The following SLC22A23 variants were observed in gnomAD, a reference collection of about 807,000 sequenced individuals.
SLC22A23 encodes solute carrier family 22 member 23.
In SLC22A23, 26 loss-of-function variants were observed where a neutral mutation model predicts 61.0. That is an observed-to-expected ratio of 0.43 (90% confidence interval 0.31 to 0.59). The LOEUF (loss-of-function observed/expected upper bound fraction) is 0.59, where lower values mean the gene tolerates loss of function less well. SLC22A23 is among the 20% of genes least tolerant of loss of function. The pLI is 0.11. For synonymous variants in SLC22A23, 430 were observed against 413.9 expected (o/e 1.04, Z -0.47); for missense variants, 796 against 934.7 (o/e 0.85, Z 1.94).
intron 3 of SLC22A23, among the ~76,000 whole-genome samples, chr6:3,366,146 T>C (rs6931226): frequency 0.7 from 106,032 of 151,388 alleles, 37,399 homozygotes; most frequent in East Asian, 0.84. Context: ...CTGGCTAACA[T>C]GGTGAAACCC....
chr6:3,360,525 G>T lies in SLC22A23; in HGVS notation c.914-36523C>A, dbSNP rs147938364. 1.3e-5 allele frequency among the ~76,000 whole-genome samples: 2 copies of T among 152,198 alleles called. No individual in the cohort carries two copies. The highest frequency in any genetic ancestry group is 2.9e-5 in the Non-Finnish European group (2 of 68,042). On this transcript the variant is annotated intron_variant, in intron 3 of 9. Transcript: ENST00000406686. This position sits in a 1 kb window ranked among gnomAD's most constrained non-coding sequence, Gnocchi z 4.6. ...AATACAGAACTGCATTCTCATAGTC[G>T]GGTTTCAGGCAACGGCTCAACCGTG...
chr6:3,284,047 C>A, intron 8 of SLC22A23, 72 bp from the exon 9 acceptor site: 1 of 1,460,152 alleles, frequency 6.8e-7, no homozygotes, highest in Admixed American at 1.9e-5. Flanking sequence ...AGGCCTGGGG[C>A]TGCACAGCAC....
chr6:3,356,495 A>T (rs1473791716), intron 3 of SLC22A23, among the ~76,000 whole-genome samples: 1 of 151,954 alleles, frequency 6.6e-6, no homozygotes, highest in Non-Finnish European at 1.5e-5. Flanking sequence ...AATAAAGCTG[A>T]CCCTAAACTT....
chr6:3,300,443 T>A (rs1470373483), intron 4 of SLC22A23, among the ~76,000 whole-genome samples: 1 of 152,146 alleles, frequency 6.6e-6, no homozygotes, highest in Non-Finnish European at 1.5e-5. Flanking sequence ...TAGGGGTGAT[T>A]AAGTCATGAG....
intron 3 of SLC22A23, among the ~76,000 whole-genome samples, chr6:3,368,958 C>T (rs1039542636): frequency 2.0e-5 from 3 of 152,108 alleles, no homozygotes; most frequent in African/African-American, 7.2e-5. Context: ...CAGAATTGCT[C>T]AGAGTGATGA....
chr6:3,411,128 TG>T (rs1769208088), intron 2 of SLC22A23, among the ~76,000 whole-genome samples: 1 of 152,144 alleles, frequency 6.6e-6, no homozygotes, highest in African/African-American at 2.4e-5. Flanking sequence ...CAGTAGAGGG[TG>T]GTCCACAAGA....
chr6:3,375,976 T>G (rs1215523145), intron 3 of SLC22A23, among the ~76,000 whole-genome samples: 1 of 152,264 alleles, frequency 6.6e-6, no homozygotes, highest in Non-Finnish European at 1.5e-5. Context: ...CATGTGTATT[T>G]CAATTCTATT....
At chr6:3,278,466 C>T (rs780365619) in intron 9 of SLC22A23, among the ~76,000 whole-genome samples, 12 of 152,246 alleles carry the variant, frequency 7.9e-5, no homozygotes, top group Non-Finnish European at 1.6e-4. Context: ...AGACACTCTG[C>T]ATCTTTCTGT....
In SLC22A23 at chr6:3,372,643, CCCAG is replaced by C. The variant is rs556559091; in HGVS notation, c.913+37541_913+37544del. The stretch of plus-strand genomic sequence containing the variant: ...GGGCCCTCAGCATGGACTGCAGCCT[CCCAG>C]CTCAGCTGGGAGCAGCAGGTGAGAC... On this transcript the variant is annotated intron_variant, in intron 3 of 9. Coordinates refer to ENST00000406686, the MANE Select transcript of SLC22A23 (RefSeq NM_015482.2). The surrounding 1 kb of genome is among the most constrained non-coding windows in gnomAD (Gnocchi z 4.7). 2.0e-3 allele frequency among the ~76,000 whole-genome samples: 306 copies of C among 152,302 alleles called. No homozygotes were observed. Among genetic ancestry groups the C allele is most frequent in the Non-Finnish European group, 3.5e-3 (235 of 68,016 alleles).
In SLC22A23 at chr6:3,286,949, C is replaced by T; in HGVS notation, c.1456G>A (p.Val486Met). 2 of 1,614,070 alleles carry T rather than the reference C, an allele frequency of 1.2e-6. No individual in the cohort carries two copies. The highest frequency in any genetic ancestry group is 1.7e-6 in the Non-Finnish European group (2 of 1,180,028). ...ALVSCLAMCV[V>M]VRFLGRRGGL... ...CCCCTGCGCCCGAGGAATCGGACCACCACGCACATGGCCAGGCAGGACACC... is the reference window on the plus strand; with the variant it reads ...CCCCTGCGCCCGAGGAATCGGACCATCACGCACATGGCCAGGCAGGACACC... The change falls in exon 7 of 10, where the codon GTG becomes ATG. Residue 486 changes from valine to methionine, a missense_variant. Val to Met is a conservative substitution (Grantham distance 21). Transcript: ENST00000406686. This position sits in a 1 kb window ranked among gnomAD's most constrained non-coding sequence, Gnocchi z 4.2.
chr6:3,427,228 C>T lies in SLC22A23; in HGVS notation c.655-11373G>A, dbSNP rs1251982004. On this transcript the variant is annotated intron_variant, in intron 1 of 9. Transcript: ENST00000406686. The surrounding 1 kb of genome is among the most constrained non-coding windows in gnomAD (Gnocchi z 4.3). ...TTGTTACAAGAGTCAAAAATAACAT[C>T]GGGAATGCGCCTGGTGCAGTAACCG... is the stretch of plus-strand genomic sequence containing the variant. Among the ~76,000 whole-genome samples, 1 of 152,102 alleles carries T rather than the reference C, an allele frequency of 6.6e-6. No individual in the cohort carries two copies. The highest frequency in any genetic ancestry group is 6.5e-5 in the Admixed American group (1 of 15,274).
rs536779730 is a variant in SLC22A23, at chr6:3,452,160, T to A, written c.654+3746A>T. On this transcript the variant is annotated intron_variant, in intron 1 of 9. Coordinates refer to ENST00000406686, the MANE Select transcript of SLC22A23 (RefSeq NM_015482.2). ...GGTGTATTAAATGTATTTTCCACTT[T>A]CAATATTTCCAACTGATGAGGGGTT... Among the ~76,000 whole-genome samples the A allele has an allele frequency of 1.9e-4, 29 of 152,296 alleles. 2 individuals are homozygous for A. The South Asian group carries it at 5.8e-3, about 30-fold the overall frequency.
At chr6:3,350,102 T>TGCAC (rs1272270587) in intron 3 of SLC22A23, among the ~76,000 whole-genome samples, 1 of 152,218 alleles carries the variant, frequency 6.6e-6, no homozygotes, top group Non-Finnish European at 1.5e-5. Flanking sequence ...TCAGCATGCA[T>TGCAC]GCACACACAC....
chr6:3,365,129 G>A (rs1765722360), intron 3 of SLC22A23, among the ~76,000 whole-genome samples: 1 of 152,142 alleles, frequency 6.6e-6, no homozygotes, highest in Non-Finnish European at 1.5e-5. Flanking sequence ...GATCAATCTG[G>A]TCAACATGGT....
rs1763429798 is a variant in SLC22A23, at chr6:3,328,913, C to CT, written c.914-4912dup. ...CTGCACCCCCTCCCTCCCCTTCTTA[C>CT]TCCCCACTCTCTCATCCTGTCCCTG... On this transcript the variant is annotated intron_variant, in intron 3 of 9. Transcript: ENST00000406686. The surrounding 1 kb of genome is among the most constrained non-coding windows in gnomAD (Gnocchi z 5.0). Among the ~76,000 whole-genome samples, 2 of 151,942 alleles carry CT rather than the reference C, an allele frequency of 1.3e-5. No homozygotes were observed. Among genetic ancestry groups the CT allele is most frequent in the African/African-American group, 4.8e-5 (2 of 41,314 alleles).
intron 3 of SLC22A23, among the ~76,000 whole-genome samples, chr6:3,376,951 G>C (rs1766609537): frequency 6.6e-6 from 1 of 151,978 alleles, no homozygotes; most frequent in Admixed American, 6.6e-5. Context: ...TTCAGATGGA[G>C]GAGAGGGTCC....
rs1772421610 is a variant in SLC22A23 at position 3,456,575 on chromosome 6, C to T, written c.-16G>A. ...CTATGGCCATGGCCCGGGCCCGCGG[C>T]TCCCGCAGAGGCGCATAGAGCGCGG... On this transcript the variant is annotated 5_prime_UTR_variant, in exon 1 of 10. Transcript: ENST00000406686. This position sits in a 1 kb window ranked among gnomAD's most constrained non-coding sequence, Gnocchi z 7.1. 1 of 983,050 alleles carries T rather than the reference C, an allele frequency of 1.0e-6. No homozygotes were observed. The highest frequency in any genetic ancestry group is 1.2e-6 in the Non-Finnish European group (1 of 830,094). 60.9% of individuals were successfully genotyped at this position (983,050 alleles called of 1,614,324 possible). A position where few individuals can be genotyped will look rare whatever the true frequency, so the allele number is the denominator to read the frequency against.
chr6:3,339,978 C>G (rs186309924), intron 3 of SLC22A23, among the ~76,000 whole-genome samples: 1 of 152,274 alleles, frequency 6.6e-6, no homozygotes, highest in Non-Finnish European at 1.5e-5. Context: ...TTTCCTGTAA[C>G]AATAATGGCT....
At chr6:3,287,427 T>G (rs545434522) in intron 6 of SLC22A23, among the ~76,000 whole-genome samples, 14 of 152,106 alleles carry the variant, frequency 9.2e-5, no homozygotes, top group Admixed American at 2.6e-4. Flanking sequence ...TTCCAGGTAC[T>G]GACTCATTTA....
Sources: gnomAD v4.1 joint callset for allele counts (sites outside exome capture counted in the v4.1 genomes callset) on GRCh38, gnomAD v4.1.1 for gene constraint, Gnocchi (gnomAD v3.1) non-coding constraint, MANE v1.5 for transcripts, NCBI Gene and HGNC (gene_info 2026-07-23, HGNC 2026-07-21) for gene names.